Variants in SGCZ observed in about 807,000 individuals in gnomAD.
SGCZ encodes sarcoglycan zeta.
A neutral mutation model predicts 41.3 loss-of-function variants in SGCZ; 40 were observed. That is an observed-to-expected ratio of 0.97 (90% confidence interval 0.75 to 1.26). The LOEUF is 1.26. SGCZ is among the 50% of genes most tolerant of loss of function. SGCZ has a pLI of 0.00. For missense variants in SGCZ, 552 were observed against 369.8 expected (o/e 1.49, Z -4.04); for synonymous variants, 206 against 137.5 (o/e 1.50, Z -3.49).
At chr8:14,687,455 T>G (rs998076036) in intron 1 of SGCZ, among the ~76,000 whole-genome samples, 35 of 151,818 alleles carry the variant, frequency 2.3e-4, no homozygotes, top group Admixed American at 1.9e-3. Context: ...TTTGGTTTTT[T>G]GTCCTTGCGA....
intron 2 of SGCZ, among the ~76,000 whole-genome samples, chr8:14,471,395 G>A (rs866559218): frequency 1.3e-5 from 2 of 152,004 alleles, no homozygotes; most frequent in Non-Finnish European, 2.9e-5. Context: ...CCTGTAATAT[G>A]TATGCCACTT....
chr8:14,204,641 C>T (rs369565898), intron 4 of SGCZ, among the ~76,000 whole-genome samples: 1 of 152,148 alleles, frequency 6.6e-6, no homozygotes, highest in East Asian at 1.9e-4. Context: ...GAGAAAACCT[C>T]CCCTCAATAT....
chr8:14,396,032 G>C (rs530336469), intron 2 of SGCZ, among the ~76,000 whole-genome samples: 1 of 152,190 alleles, frequency 6.6e-6, no homozygotes, highest in South Asian at 2.1e-4. Context: ...GAGAGGGTAC[G>C]TACAAAAGAA....
At chr8:14,266,412 A>G (rs558804403) in intron 3 of SGCZ, among the ~76,000 whole-genome samples, 1 of 152,230 alleles carries the variant, frequency 6.6e-6, no homozygotes, top group Admixed American at 6.5e-5. Flanking sequence ...CCTAATATGA[A>G]CAGGCATATT....
chr8:14,251,411 G>T (rs1035906321), intron 3 of SGCZ, among the ~76,000 whole-genome samples: 1 of 152,058 alleles, frequency 6.6e-6, no homozygotes, highest in Non-Finnish European at 1.5e-5. Context: ...TGCTTTGTGG[G>T]CTATGCAGTC....
chr8:15,195,141 T>C (rs73667904), intron 1 of SGCZ, among the ~76,000 whole-genome samples: 2,163 of 152,290 alleles, frequency 0.014, 51 homozygotes, highest in African/African-American at 0.05. Context: ...CTGAAAACTG[T>C]AATACAGTCT....
At chr8:14,428,886 G>T (rs1376501309) in intron 2 of SGCZ, among the ~76,000 whole-genome samples, 2 of 152,144 alleles carry the variant, frequency 1.3e-5, no homozygotes, top group Non-Finnish European at 2.9e-5. Context: ...TGTTTACAAA[G>T]CTCACAACAT....
At chr8:15,026,584 TAG>T (rs1451011237) in intron 1 of SGCZ, among the ~76,000 whole-genome samples, 2 of 152,162 alleles carry the variant, frequency 1.3e-5, no homozygotes, top group Non-Finnish European at 2.9e-5. Flanking sequence ...CAGATACCAC[TAG>T]AGATTGGTAC....
rs535827397 is a variant in SGCZ, at chr8:14,943,601, A to G, written c.39+293984T>C. ...AACTTTTATTTGGGTTCTGGGGTACATGTGCAGGTTTGTTCAATAGGTAAA... is the reference window on the plus strand; with the variant it reads ...AACTTTTATTTGGGTTCTGGGGTACGTGTGCAGGTTTGTTCAATAGGTAAA... On this transcript the variant is annotated intron_variant, in intron 1 of 7. Transcript: ENST00000382080. Among the ~76,000 whole-genome samples, 32 of 152,228 alleles carry G rather than the reference A, an allele frequency of 2.1e-4. 1 individual carries two copies. The highest frequency in any genetic ancestry group is 1.9e-3 in the South Asian group (9 of 4,826).
rs187721422 is a variant in SGCZ at position 14,594,768 on chromosome 8, C to T, written c.40-39842G>A. On this transcript the variant is annotated intron_variant, in intron 1 of 7. Coordinates refer to ENST00000382080, the MANE Select transcript of SGCZ (RefSeq NM_139167.4). Reference sequence around the variant, plus strand: ...GTGCTTGTGTGTGTAAATACTATTACGTGAATTCTAGTAATTCAGTGTTTC... The same window carrying T: ...GTGCTTGTGTGTGTAAATACTATTATGTGAATTCTAGTAATTCAGTGTTTC... Among the ~76,000 whole-genome samples the T allele has an allele frequency of 1.0e-3, 155 of 151,954 alleles. 1 individual carries two copies. Among genetic ancestry groups the T allele is most frequent in the African/African-American group, 3.5e-3 (143 of 41,298 alleles).
intron 2 of SGCZ, among the ~76,000 whole-genome samples, chr8:14,331,015 A>T (rs922308447): frequency 6.6e-6 from 1 of 151,912 alleles, no homozygotes; most frequent in African/African-American, 2.4e-5. Context: ...AACAAATTCA[A>T]TAGGAAGGAA....
chr8:14,423,539 C>T (rs1421193238), intron 2 of SGCZ, among the ~76,000 whole-genome samples: 2 of 152,070 alleles, frequency 1.3e-5, no homozygotes, highest in African/African-American at 4.8e-5. Context: ...GCCTCAGCCT[C>T]CCTAGTAGCT....
At chr8:14,574,483 T>C (rs142283310) in intron 1 of SGCZ, among the ~76,000 whole-genome samples, 6 of 152,322 alleles carry the variant, frequency 3.9e-5, no homozygotes, top group African/African-American at 1.2e-4. Flanking sequence ...TCCTGCCATG[T>C]ACCAGGGAAG....
In SGCZ at chr8:15,221,275, G is replaced by C. The variant is rs547836053; in HGVS notation, c.39+16310C>G. Among the ~76,000 whole-genome samples, 5 of 152,266 alleles carry C rather than the reference G, an allele frequency of 3.3e-5. No individual in the cohort carries two copies. In the East Asian group the frequency reaches 9.7e-4, roughly 29 times the overall value. ...AGGGTGTATTAAAATACACTTAACT[G>C]CAAATGAAATAAATCAAACTAAACT... On this transcript the variant is annotated intron_variant, in intron 1 of 7. Transcript: ENST00000382080.
intron 2 of SGCZ, among the ~76,000 whole-genome samples, chr8:14,436,456 G>A (rs772204939): frequency 6.6e-6 from 1 of 152,020 alleles, no homozygotes; most frequent in Non-Finnish European, 1.5e-5. Context: ...GCAAAGTGTG[G>A]GCCATACACT....
intron 1 of SGCZ, among the ~76,000 whole-genome samples, chr8:14,968,207 A>G (rs1801180418): frequency 6.6e-6 from 1 of 152,136 alleles, no homozygotes; most frequent in South Asian, 2.1e-4. Context: ...TATTCAAGCA[A>G]TTTGTGGTAT....
chr8:14,843,168 C>A (rs963118653), intron 1 of SGCZ, among the ~76,000 whole-genome samples: 1 of 152,078 alleles, frequency 6.6e-6, no homozygotes, highest in Non-Finnish European at 1.5e-5. Context: ...GCTGAGATTG[C>A]ACCACTGCAC....
intron 2 of SGCZ, among the ~76,000 whole-genome samples, chr8:14,326,870 T>G (rs990211906): frequency 6.6e-6 from 1 of 152,078 alleles, no homozygotes; most frequent in Non-Finnish European, 1.5e-5. Flanking sequence ...ATAAGTGTGG[T>G]TTTGCAGCAC....
chr8:14,791,120 T>C (rs1383761390), intron 1 of SGCZ, among the ~76,000 whole-genome samples: 1 of 152,018 alleles, frequency 6.6e-6, no homozygotes, highest in Non-Finnish European at 1.5e-5. Flanking sequence ...CTCTGAGTGA[T>C]AGAGGTTTTT....
Sources: gnomAD v4.1 joint callset for allele counts (sites outside exome capture counted in the v4.1 genomes callset) on GRCh38, gnomAD v4.1.1 for gene constraint, MANE v1.5 for transcripts, NCBI Gene and HGNC (gene_info 2026-07-23, HGNC 2026-07-21) for gene names.